The following CNTN4 variants were observed in gnomAD, a reference collection of about 807,000 sequenced individuals.
CNTN4 encodes the protein contactin 4, also known as contactin-4.
Under a neutral mutation model 122.5 loss-of-function variants are expected in CNTN4, and 77 were observed. The observed-to-expected ratio is 0.63, with a 90% confidence interval of 0.52 to 0.76. CNTN4 has a LOEUF of 0.76. Among genes scored for constraint, CNTN4 ranks in the 30% least tolerant of loss-of-function variants. CNTN4 has a pLI of 0.00. For synonymous variants in CNTN4, 512 were observed against 447.0 expected (o/e 1.15, Z -1.83); for missense variants, 1,256 against 1,259.1 (o/e 1.00, Z 0.04).
intron 7 of CNTN4, among the ~76,000 whole-genome samples, chr3:2,863,669 T>A (rs9869344): frequency 6.6e-6 from 1 of 151,654 alleles, no homozygotes; most frequent in South Asian, 2.1e-4. Context: ...CCAAACTAGG[T>A]TTTTTGAGCT....
chr3:2,963,122 T>G (rs1400665137), intron 13 of CNTN4, among the ~76,000 whole-genome samples: 2 of 152,194 alleles, frequency 1.3e-5, no homozygotes, highest in African/African-American at 2.4e-5. Flanking sequence ...TAAAGTCACC[T>G]AAAACCTAGT....
chr3:2,270,026 T>C lies in CNTN4; in HGVS notation c.-144-69152T>C, dbSNP rs193157410. 5.5e-3 allele frequency among the ~76,000 whole-genome samples: 530 copies of C among 95,986 alleles called. 45 individuals are homozygous for C. The highest frequency in any genetic ancestry group is 0.017 in the African/African-American group (516 of 30,598). 63.0% of individuals were successfully genotyped at this position (95,986 alleles called of 152,430 possible). On this transcript the variant is annotated intron_variant, in intron 2 of 24. Coordinates refer to ENST00000418658, the MANE Select transcript of CNTN4 (RefSeq NM_175607.3). ...CTGCAGTGGCGCAATCTCGGCTCAC[T>C]GCAAGCTCCGCTTCCCGGGTTCACG... is the stretch of plus-strand genomic sequence containing the variant.
intron 3 of CNTN4, among the ~76,000 whole-genome samples, chr3:2,411,263 C>T (rs2047217125): frequency 1.3e-5 from 2 of 152,068 alleles, no homozygotes; most frequent in African/African-American, 4.8e-5. Context: ...GTGCAGCAAA[C>T]CACCATGATA....
At chr3:2,594,683 G>A (rs937211952) in intron 4 of CNTN4, among the ~76,000 whole-genome samples, 2 of 152,122 alleles carry the variant, frequency 1.3e-5, no homozygotes, top group African/African-American at 4.8e-5. Flanking sequence ...GCCTCCCAAA[G>A]TGCTGGGATT....
chr3:2,382,009 A>G lies in CNTN4; in HGVS notation c.-89+42776A>G, dbSNP rs567042649. On this transcript the variant is annotated intron_variant, in intron 3 of 24. Coordinates refer to ENST00000418658, the MANE Select transcript of CNTN4 (RefSeq NM_175607.3). ...CAAAGGCACAAACCCTGTTTCATTC[A>G]CACACAAAAAATAATTTTGATTTGC... is the stretch of plus-strand genomic sequence containing the variant. 3.3e-3 allele frequency among the ~76,000 whole-genome samples: 509 copies of G among 152,218 alleles called. 4 individuals carry two copies. Among genetic ancestry groups the G allele is most frequent in the African/African-American group, 0.012 (492 of 41,548 alleles).
Position 2,745,566 on chromosome 3 carries a change from G to T in CNTN4, c.227G>T (p.Arg76Leu). 6 of 1,614,092 alleles carry T rather than the reference G, an allele frequency of 3.7e-6. No homozygotes were observed. Among genetic ancestry groups the T allele is most frequent in the Non-Finnish European group, 5.1e-6 (6 of 1,179,954 alleles). The change falls in exon 6 of 25, where the codon CGC (arginine) becomes CTC (leucine). Residue 76 changes from arginine to leucine, a missense_variant. Arg to Leu is a moderately radical substitution (Grantham distance 102). Coordinates refer to ENST00000418658, the MANE Select transcript of CNTN4 (RefSeq NM_175607.3). ...GTDVDTGMDF[R>L]YSVVEGSLLI... is the part of the protein sequence containing the mutation. Reference sequence around the variant, plus strand: ...GATGTTGACACTGGTATGGATTTCCGCTACAGTGTTGTTGAAGGGAGCTTG... The same window carrying T: ...GATGTTGACACTGGTATGGATTTCCTCTACAGTGTTGTTGAAGGGAGCTTG...
At chr3:2,810,775 T>C (rs1451172534) in intron 6 of CNTN4, among the ~76,000 whole-genome samples, 1 of 152,238 alleles carries the variant, frequency 6.6e-6, no homozygotes, top group Non-Finnish European at 1.5e-5. Context: ...GTCATACTTT[T>C]GAAGAAGGTA....
chr3:2,143,224 G>A lies in CNTN4; in HGVS notation c.-145+42585G>A, dbSNP rs930066600. Among the ~76,000 whole-genome samples the A allele has an allele frequency of 8.5e-5, 13 of 152,296 alleles. 1 individual carries two copies. The highest frequency in any genetic ancestry group is 2.6e-4 in the African/African-American group (11 of 41,562). On this transcript the variant is annotated intron_variant, in intron 2 of 24. Coordinates refer to ENST00000418658, the MANE Select transcript of CNTN4 (RefSeq NM_175607.3). ...TGTTACTTAGAATTAACCATGACCA[G>A]ATCAATTAATAAAATAGTTCAGGTT...
intron 3 of CNTN4, among the ~76,000 whole-genome samples, chr3:2,362,000 T>C (rs987931605): frequency 1.3e-5 from 2 of 152,176 alleles, no homozygotes; most frequent in African/African-American, 4.8e-5. Flanking sequence ...CTAGGAAAAG[T>C]TCCATTTAAG....
chr3:2,354,301 C>T (rs543319877), intron 3 of CNTN4, among the ~76,000 whole-genome samples: 7 of 152,154 alleles, frequency 4.6e-5, no homozygotes, highest in Non-Finnish European at 1.0e-4. Context: ...GAGGCCGAGG[C>T]AGGCGGATCA....
chr3:2,282,178 C>T (rs1472722077), intron 2 of CNTN4, among the ~76,000 whole-genome samples: 1 of 152,034 alleles, frequency 6.6e-6, no homozygotes, highest in Admixed American at 6.6e-5. Flanking sequence ...GTGTTTTACA[C>T]AATTTTCAAG....
At chr3:2,267,077 T>TA (rs1282022949) in intron 2 of CNTN4, among the ~76,000 whole-genome samples, 3 of 152,104 alleles carry the variant, frequency 2.0e-5, no homozygotes, top group African/African-American at 7.2e-5. Flanking sequence ...CTTTCAAATA[T>TA]GTAAAGAACT....
At chr3:2,103,821 T>C (rs28734834) in intron 2 of CNTN4, among the ~76,000 whole-genome samples, 7,957 of 152,276 alleles carry the variant, frequency 0.052, 665 homozygotes, top group African/African-American at 0.18. Context: ...CTCATCCTGT[T>C]GTCCCATTTC....
At chr3:2,627,315 C>T (rs1285013040) in intron 4 of CNTN4, among the ~76,000 whole-genome samples, 1 of 152,076 alleles carries the variant, frequency 6.6e-6, no homozygotes, top group Admixed American at 6.6e-5. Context: ...GACATGGATC[C>T]TTCCAGTCAT....
intron 14 of CNTN4, among the ~76,000 whole-genome samples, chr3:3,009,391 C>A (rs1327908734): frequency 6.6e-6 from 1 of 152,160 alleles, no homozygotes; most frequent in Non-Finnish European, 1.5e-5. Flanking sequence ...TTTCTTGCTA[C>A]TGTCAATTCA....
chr3:2,502,959 C>T (rs190186259), intron 3 of CNTN4, among the ~76,000 whole-genome samples: 105 of 152,136 alleles, frequency 6.9e-4, no homozygotes, highest in Admixed American at 6.5e-3. Context: ...CCTTGTGAAC[C>T]GCAACACATA....
At chr3:2,270,714 G>A (rs17029515) in intron 2 of CNTN4, among the ~76,000 whole-genome samples, 1 of 141,360 alleles carries the variant, frequency 7.1e-6, no homozygotes, top group Non-Finnish European at 1.6e-5. Context: ...AAGACTGAAG[G>A]CTAGTGTGAC....
At chr3:2,627,753 A>G (rs371824834) in intron 4 of CNTN4, among the ~76,000 whole-genome samples, 48 of 152,222 alleles carry the variant, frequency 3.2e-4, no homozygotes, top group East Asian at 7.7e-4. Flanking sequence ...TCGGCCTCCC[A>G]AAGTGCTGGG....
chr3:2,641,252 C>T (rs1399422552), intron 4 of CNTN4, among the ~76,000 whole-genome samples: 1 of 151,860 alleles, frequency 6.6e-6, no homozygotes, highest in Non-Finnish European at 1.5e-5. Context: ...TCCAGTGTGA[C>T]ATGTGAGTAT....
Sources: allele counts gnomAD v4.1 joint callset (sites outside exome capture counted in the v4.1 genomes callset), GRCh38; gene constraint gnomAD v4.1.1; transcripts MANE v1.5; gene names NCBI Gene and HGNC (gene_info 2026-07-23, HGNC 2026-07-21).